FAM168B: variants seen among roughly 807,000 people sequenced by gnomAD.
The protein encoded by FAM168B is family with sequence similarity 168 member B.
FAM168B carries 19 observed loss-of-function variants against 21.8 expected under a neutral mutation model. That is an observed-to-expected ratio of 0.87 (90% CI 0.61 to 1.28). The LOEUF (loss-of-function observed/expected upper bound fraction) is 1.28. FAM168B is among the 50% of genes most tolerant of loss of function. The pLI is 0.00. For synonymous variants in FAM168B, 126 were observed against 104.8 expected (o/e 1.20, Z -1.24); for missense variants, 233 against 263.1 (o/e 0.89, Z 0.79).
chr2:131,087,807 CAT>C (rs1573825304), intron 1 of FAM168B, among the ~76,000 whole-genome samples: 1 of 152,204 alleles, frequency 6.6e-6, no homozygotes, highest in East Asian at 1.9e-4. Flanking sequence ...AGTGAAAACA[CAT>C]GCTACACCTA....
chr2:131,075,767 C>A (rs1693121265), intron 2 of FAM168B, among the ~76,000 whole-genome samples: 1 of 152,156 alleles, frequency 6.6e-6, no homozygotes, highest in Non-Finnish European at 1.5e-5. Flanking sequence ...GGATTACAGG[C>A]ACGAGCCACC....
At chr2:131,072,973 C>A (rs1692948293) in intron 2 of FAM168B, among the ~76,000 whole-genome samples, 1 of 152,172 alleles carries the variant, frequency 6.6e-6, no homozygotes, top group African/African-American at 2.4e-5. Context: ...GTAAAGGTCA[C>A]TCATTTTCAC....
At chr2:131,066,959 A>G (rs1692593325) in intron 3 of FAM168B, among the ~76,000 whole-genome samples, 2 of 152,214 alleles carry the variant, frequency 1.3e-5, no homozygotes, top group South Asian at 2.1e-4. Context: ...AGGCCTCACA[A>G]TCATGGTGGA....
intron 5 of FAM168B, among the ~76,000 whole-genome samples, chr2:131,053,521 G>A (rs543819150): frequency 5.9e-5 from 9 of 152,296 alleles, no homozygotes; most frequent in East Asian, 1.9e-4. Context: ...GGATAAAGAC[G>A]TTCTGGAGCT....
At chr2:131,091,062 G>C (rs778617884) in intron 1 of FAM168B, among the ~76,000 whole-genome samples, 1 of 152,200 alleles carries the variant, frequency 6.6e-6, no homozygotes, top group African/African-American at 2.4e-5. Flanking sequence ...AGCTGGATAC[G>C]GTGGCTCACG....
chr2:131,078,896 G>T (rs186164864), intron 2 of FAM168B, among the ~76,000 whole-genome samples: 1 of 151,754 alleles, frequency 6.6e-6, no homozygotes, highest in Non-Finnish European at 1.5e-5. Flanking sequence ...TGAGGCAGGA[G>T]GATCCCTTGA....
In FAM168B at chr2:131,050,187, G is replaced by T; in HGVS notation, c.*2278C>A. The T allele has an allele frequency of 1.0e-5, 10 of 985,460 alleles. No homozygotes were observed. Among genetic ancestry groups the T allele is most frequent in the Non-Finnish European group, 1.2e-5 (10 of 829,946 alleles). 61.0% of individuals were successfully genotyped at this position (985,460 alleles called of 1,614,324 possible). On this transcript the variant is annotated 3_prime_UTR_variant, in exon 7 of 7. Transcript: ENST00000389915. The stretch of plus-strand genomic sequence containing the variant: ...CCTGTGTGTGCCAAGTACCAAGCAA[G>T]CCTGAAGAGATGCCTGTAACTTCTA...
At chr2:131,090,261 A>G (rs1170389721) in intron 1 of FAM168B, among the ~76,000 whole-genome samples, 2 of 147,320 alleles carry the variant, frequency 1.4e-5, no homozygotes, top group African/African-American at 2.5e-5. Context: ...TGAGCTTGCA[A>G]TGAGCCCAGA....
intron 1 of FAM168B, among the ~76,000 whole-genome samples, chr2:131,085,540 C>T (rs1446980824): frequency 6.6e-6 from 1 of 152,126 alleles, no homozygotes; most frequent in Admixed American, 6.5e-5. Flanking sequence ...AAAAAGAAAC[C>T]ACTTCAAATT....
chr2:131,085,380 C>G (rs1693637288), intron 1 of FAM168B, among the ~76,000 whole-genome samples: 1 of 152,026 alleles, frequency 6.6e-6, no homozygotes, highest in Admixed American at 6.5e-5. Context: ...AAGCAGGGAA[C>G]AGTTGCACTT....
chr2:131,050,916 A>C lies in FAM168B; in HGVS notation c.*1549T>G. 3.0e-6 allele frequency: 3 copies of C among 985,796 alleles called. No homozygotes were observed. The South Asian group carries it at 1.4e-4, about 46-fold the overall frequency. 61.1% of individuals were successfully genotyped at this position (985,796 alleles called of 1,614,324 possible). A position where few individuals can be genotyped will look rare whatever the true frequency, so the allele number is the denominator to read the frequency against. ...CCGCTGAAAGGGACCCAGGCCTTAC[A>C]TCCCCCACCCCCACTCTGACCCTCA... On this transcript the variant is annotated 3_prime_UTR_variant, in exon 7 of 7. Coordinates refer to ENST00000389915, the MANE Select transcript of FAM168B (RefSeq NM_001009993.4).
chr2:131,092,092 C>G (rs950626761), intron 1 of FAM168B, among the ~76,000 whole-genome samples: 1 of 150,470 alleles, frequency 6.6e-6, no homozygotes, highest in Non-Finnish European at 1.5e-5. Context: ...TGCAGTGAGC[C>G]GAGATGGCGC....
chr2:131,077,200 C>T (rs1216081058), intron 2 of FAM168B, among the ~76,000 whole-genome samples: 1 of 141,548 alleles, frequency 7.1e-6, no homozygotes, highest in Non-Finnish European at 1.5e-5. Flanking sequence ...GTGTATGTAA[C>T]GCTATTACAT....
At position 131,055,416 on chromosome 2, in the gene FAM168B, C is replaced by T; in HGVS notation, c.331G>A (p.Ala111Thr). 6.2e-7 allele frequency: 1 copy of T among 1,609,438 alleles called. No homozygotes were observed. The highest frequency in any genetic ancestry group is 8.5e-7 in the Non-Finnish European group (1 of 1,178,444). ...GTGTGGTGGATGACGTGAGGAGGTG[C>T]TGCATACAGCGGCTGTGTGTAGTAC... Reference protein sequence around the residue: ...GTYYTQPLYAAPPHVIHHTTV... With the variant: ...GTYYTQPLYATPPHVIHHTTV... Residue 111 changes from alanine (A) to threonine (T), a missense_variant, in exon 5 of 7, where the codon GCA becomes ACA. Coordinates refer to ENST00000389915, the MANE Select transcript of FAM168B (RefSeq NM_001009993.4).
intron 1 of FAM168B, among the ~76,000 whole-genome samples, chr2:131,088,517 GA>G (rs1693835718): frequency 1.3e-5 from 2 of 152,122 alleles, no homozygotes; most frequent in African/African-American, 4.8e-5. Flanking sequence ...GATTTAGACT[GA>G]AACAACTGTA....
intron 2 of FAM168B, among the ~76,000 whole-genome samples, chr2:131,078,987 A>C (rs1247579907): frequency 1.4e-5 from 2 of 141,852 alleles, no homozygotes; most frequent in Non-Finnish European, 3.1e-5. Flanking sequence ...ACCCTTTCAC[A>C]AAAAAAAAAA....
At chr2:131,069,075 G>T (rs1051368352) in intron 3 of FAM168B, among the ~76,000 whole-genome samples, 2 of 152,232 alleles carry the variant, frequency 1.3e-5, no homozygotes, top group Admixed American at 6.5e-5. Context: ...GGCACCCAAG[G>T]GGGGAAGGTG....
chr2:131,066,161 C>CT (rs762218220), intron 3 of FAM168B, among the ~76,000 whole-genome samples: 27,570 of 138,308 alleles, frequency 0.2, 3,477 homozygotes, highest in African/African-American at 0.35. Flanking sequence ...ACATTTGTAT[C>CT]TTTTTTTTTT....
rs929893892 is a variant in FAM168B at position 131,077,213 on chromosome 2, A to G, written c.71-5275T>C. 9.1e-3 allele frequency among the ~76,000 whole-genome samples: 790 copies of G among 86,396 alleles called. 4 individuals carry two copies. The highest frequency in any genetic ancestry group is 0.051 in the African/African-American group (724 of 14,318). 56.7% of individuals were successfully genotyped at this position (86,396 alleles called of 152,430 possible). On this transcript the variant is annotated intron_variant, in intron 2 of 6. Transcript: ENST00000389915. ...GAGTGTATGTAACGCTATTACATTT[A>G]AAAAAAAAAAAAAAAAAAAGAACAA...
Sources: allele counts gnomAD v4.1 joint callset (sites outside exome capture counted in the v4.1 genomes callset), GRCh38; gene constraint gnomAD v4.1.1; transcripts MANE v1.5; gene names NCBI Gene and HGNC (gene_info 2026-07-23, HGNC 2026-07-21).